CPEB3: variants seen among roughly 807,000 people sequenced by gnomAD.
The protein encoded by CPEB3 is cytoplasmic polyadenylation element-binding protein 3.
A neutral mutation model predicts 67.2 loss-of-function variants in CPEB3; 20 were observed. That is an observed-to-expected ratio of 0.30 (90% CI 0.21 to 0.43). CPEB3 has a LOEUF of 0.43. Ranked by LOEUF, CPEB3 falls within the 20% of genes least tolerant of loss-of-function variation. The pLI is 1.00. For missense variants in CPEB3, 746 were observed against 968.6 expected, an observed-to-expected ratio of 0.77 and a Z score of 3.05; for synonymous variants, 376 against 393.1, an observed-to-expected ratio of 0.96 and a Z score of 0.51.
intron 6 of CPEB3, chr10:92,138,172 C>A: frequency 4.8e-6 from 1 of 209,402 alleles, no homozygotes; most frequent in East Asian, 1.1e-4. Context: ...CAGAGGCATT[C>A]ATGTGCAGCA....
intron 4 of CPEB3, among the ~76,000 whole-genome samples, chr10:92,149,535 T>C (rs1421478014): frequency 6.6e-6 from 1 of 152,176 alleles, no homozygotes; most frequent in Non-Finnish European, 1.5e-5. Flanking sequence ...TCAGAGTACT[T>C]TGGCAAAGAA....
chr10:92,063,084 G>A (rs996502814), intron 9 of CPEB3, among the ~76,000 whole-genome samples: 3 of 152,162 alleles, frequency 2.0e-5, no homozygotes, highest in Admixed American at 2.0e-4. Flanking sequence ...GTTGGTAAAG[G>A]GAATAATATA....
At chr10:92,186,559 T>G (rs1321344526) in intron 3 of CPEB3, among the ~76,000 whole-genome samples, 1 of 151,756 alleles carries the variant, frequency 6.6e-6, no homozygotes, top group East Asian at 1.9e-4. Context: ...CTCAGCCTCC[T>G]GAGTAGCTGG....
At chr10:92,281,530 A>G (rs941470637) in intron 1 of CPEB3, among the ~76,000 whole-genome samples, 2 of 152,098 alleles carry the variant, frequency 1.3e-5, no homozygotes, top group Admixed American at 6.6e-5. Context: ...CAGCACAAAT[A>G]TTTTGAATTT....
rs1164294118 is a variant in CPEB3, at chr10:92,118,954, G to A, written c.1454-7760C>T. The A allele has an allele frequency of 1.3e-5, 17 of 1,350,292 alleles. No homozygotes were observed. In the South Asian group the frequency reaches 1.9e-4, roughly 15 times the overall value. The allele number at this position is 1,350,292 out of a possible 1,614,324, so 83.6% of individuals were successfully genotyped here. A position where few individuals can be genotyped will look rare whatever the true frequency, so the allele number is the denominator to read the frequency against. Reference sequence around the variant, plus strand: ...TCCCTGGGAACTTTGAGTCTTATTTGGAGCTGGTGAAGTCCCTGTGTCTGG... The same window carrying A: ...TCCCTGGGAACTTTGAGTCTTATTTAGAGCTGGTGAAGTCCCTGTGTCTGG... On this transcript the variant is annotated intron_variant, in intron 6 of 9. Coordinates refer to ENST00000265997, the MANE Select transcript of CPEB3 (RefSeq NM_014912.5).
chr10:92,171,416 G>A (rs768512244), intron 4 of CPEB3, among the ~76,000 whole-genome samples: 4 of 152,082 alleles, frequency 2.6e-5, no homozygotes, highest in Non-Finnish European at 4.4e-5. Flanking sequence ...GGTCCTTTCC[G>A]TATCCCTTGC....
In CPEB3 at chr10:92,139,605, A is replaced by G. The variant is rs181930149; in HGVS notation, c.1453+3424T>C. On this transcript the variant is annotated intron_variant, in intron 6 of 9. Transcript: ENST00000265997. ...ACAAAAACATAATTAGATGGAATGA[A>G]TAAGATCTTGTCTTTGATAGTACAA... 2.1e-3 allele frequency among the ~76,000 whole-genome samples: 326 copies of G among 152,342 alleles called. 1 individual carries two copies. Among genetic ancestry groups the G allele is most frequent in the African/African-American group, 7.6e-3 (315 of 41,568 alleles).
intron 1 of CPEB3, among the ~76,000 whole-genome samples, chr10:92,260,551 CAAA>C (rs111730435): frequency 5.1e-5 from 5 of 97,488 alleles, no homozygotes; most frequent in Admixed American, 1.1e-4. Flanking sequence ...AACTCCTTCT[CAAA>C]AAAAAAAAAA....
At chr10:92,226,763 CAA>C (rs1487711287) in intron 2 of CPEB3, among the ~76,000 whole-genome samples, 2 of 146,696 alleles carry the variant, frequency 1.4e-5, no homozygotes, top group Non-Finnish European at 3.0e-5. Context: ...GAGGGAGGGG[CAA>C]GAGAGAGGGC....
At chr10:92,110,549 AT>A (rs1844686408) in intron 7 of CPEB3, among the ~76,000 whole-genome samples, 2 of 152,146 alleles carry the variant, frequency 1.3e-5, no homozygotes, top group South Asian at 4.1e-4. Context: ...ACTCTGTATT[AT>A]GGTTTTAGCT....
chr10:92,155,423 G>T (rs905044856), intron 4 of CPEB3, among the ~76,000 whole-genome samples: 1 of 152,136 alleles, frequency 6.6e-6, no homozygotes, highest in African/African-American at 2.4e-5. Flanking sequence ...GAGGAAGTCT[G>T]CCAATTCATC....
chr10:92,256,209 T>C (rs1787943010), intron 1 of CPEB3, among the ~76,000 whole-genome samples: 1 of 151,968 alleles, frequency 6.6e-6, no homozygotes, highest in Non-Finnish European at 1.5e-5. Context: ...TCACAACCAG[T>C]ATAATACTGT....
chr10:92,109,575 G>C (rs1247892096), intron 7 of CPEB3, among the ~76,000 whole-genome samples: 1 of 152,034 alleles, frequency 6.6e-6, no homozygotes, highest in Non-Finnish European at 1.5e-5. Context: ...TTGTGTGTGT[G>C]GAGGGGGACT....
chr10:92,203,542 G>T (rs1849638362), intron 2 of CPEB3, among the ~76,000 whole-genome samples: 1 of 145,906 alleles, frequency 6.9e-6, no homozygotes. Context: ...TTTTTTTAGA[G>T]GTGTAGCTGG....
At chr10:92,137,512 C>A in intron 6 of CPEB3, 1 of 933,874 alleles carries the variant, frequency 1.1e-6, no homozygotes, top group Non-Finnish European at 1.7e-6. Context: ...TTCTGATGTG[C>A]TTGAGGTGAC....
chr10:92,082,087 T>C (rs1339433634), intron 8 of CPEB3, among the ~76,000 whole-genome samples: 9 of 152,326 alleles, frequency 5.9e-5, no homozygotes, highest in South Asian at 4.1e-4. Context: ...ACCTTTCCCA[T>C]TGAATTCTAA....
At chr10:92,091,664 T>C (rs1431410742) in intron 8 of CPEB3, among the ~76,000 whole-genome samples, 166 bp downstream of exon 8, 2 of 152,232 alleles carry the variant, frequency 1.3e-5, no homozygotes, top group African/African-American at 4.8e-5. Flanking sequence ...TAGAGCATTT[T>C]GGGAGAAAAC....
At chr10:92,108,883 A>G (rs980774233) in intron 7 of CPEB3, among the ~76,000 whole-genome samples, 2 of 152,170 alleles carry the variant, frequency 1.3e-5, no homozygotes, top group African/African-American at 4.8e-5. Context: ...TTGTCACCAC[A>G]ACACCTCCAT....
chr10:92,164,137 T>C (rs1214633160), intron 4 of CPEB3, among the ~76,000 whole-genome samples: 1 of 152,172 alleles, frequency 6.6e-6, no homozygotes, highest in Non-Finnish European at 1.5e-5. Context: ...AGGCATATGC[T>C]AAGTACTTGT....
Sources: allele counts gnomAD v4.1 joint callset (sites outside exome capture counted in the v4.1 genomes callset), GRCh38; gene constraint gnomAD v4.1.1; transcripts MANE v1.5; gene names NCBI Gene and HGNC (gene_info 2026-07-23, HGNC 2026-07-21).